LRFN5: variants seen among roughly 807,000 people sequenced by gnomAD.
LRFN5 encodes leucine rich repeat and fibronectin type III domain containing 5.
Under a neutral mutation model 45.6 loss-of-function variants are expected in LRFN5, and 24 were observed. That is an observed-to-expected ratio of 0.53 (90% CI 0.38 to 0.74). The LOEUF is 0.74. LRFN5 is among the 30% of genes least tolerant of loss of function. The probability of loss-of-function intolerance (pLI) is 0.00; values close to 1 mark genes in which losing one functional copy is unlikely to be tolerated. For synonymous variants in LRFN5, 340 were observed against 313.8 expected (o/e 1.08, Z -0.88); for missense variants, 776 against 861.5 (o/e 0.90, Z 1.24).
chr14:41,710,415 A>G (rs866918923), intron 1 of LRFN5, among the ~76,000 whole-genome samples: 1 of 152,058 alleles, frequency 6.6e-6, no homozygotes, highest in South Asian at 2.1e-4. Context: ...TGAAATACCT[A>G]ACGTGGTTAT....
chr14:41,875,070 G>GAAAGTCAAACAAT (rs370594008), intron 2 of LRFN5, among the ~76,000 whole-genome samples: 82 of 152,318 alleles, frequency 5.4e-4, no homozygotes, highest in African/African-American at 1.9e-3. Flanking sequence ...TGGGTGGGGA[G>GAAAGTCAAACAAT]AAAGTCAAAC....
intron 2 of LRFN5, among the ~76,000 whole-genome samples, chr14:41,834,957 C>A (rs889104216): frequency 7.9e-5 from 12 of 151,564 alleles, no homozygotes; most frequent in Admixed American, 3.3e-4. Context: ...GCCACCACAC[C>A]CAGCCTGGGA....
chr14:41,611,866 T>C (rs921165439), intron 1 of LRFN5, among the ~76,000 whole-genome samples: 1 of 152,212 alleles, frequency 6.6e-6, no homozygotes, highest in African/African-American at 2.4e-5. Flanking sequence ...TGGCAAGACC[T>C]GTAGTTACCT....
chr14:41,713,384 G>T (rs1297306994), intron 1 of LRFN5, among the ~76,000 whole-genome samples: 4 of 152,004 alleles, frequency 2.6e-5, no homozygotes. Context: ...GTACAATTAA[G>T]ATTTTTAAAC....
rs1887566442 is a variant in LRFN5, at chr14:41,608,020, A to C, written c.-739A>C. On this transcript the variant is annotated 5_prime_UTR_variant, in exon 1 of 6. Coordinates refer to ENST00000298119, the MANE Select transcript of LRFN5 (RefSeq NM_152447.5). ...TTTCTCGGCTCCCTCCTCCCCACCA[A>C]AATGTCACCAGCTCTTGAATTACGT... 2 of 152,146 alleles carry C rather than the reference A, an allele frequency of 1.3e-5. No homozygotes were observed. Among genetic ancestry groups the C allele is most frequent in the African/African-American group, 4.8e-5 (2 of 41,410 alleles). 9.4% of individuals were successfully genotyped at this position (152,146 alleles called of 1,614,324 possible). A position where few individuals can be genotyped will look rare whatever the true frequency, so the allele number is the denominator to read the frequency against.
chr14:41,725,701 C>T (rs1883901832), intron 1 of LRFN5, among the ~76,000 whole-genome samples: 1 of 152,126 alleles, frequency 6.6e-6, no homozygotes, highest in Admixed American at 6.6e-5. Context: ...TGCTTCTGAT[C>T]AAATAATATT....
At chr14:41,734,706 A>G (rs767810327) in intron 1 of LRFN5, among the ~76,000 whole-genome samples, 4 of 151,854 alleles carry the variant, frequency 2.6e-5, no homozygotes, top group Admixed American at 6.6e-5. Context: ...TTTGTTCATT[A>G]CATTCTGGTT....
chr14:41,798,405 T>C (rs1887209254), intron 2 of LRFN5, among the ~76,000 whole-genome samples: 1 of 152,002 alleles, frequency 6.6e-6, no homozygotes, highest in African/African-American at 2.4e-5. Context: ...TAAGAACTTA[T>C]GTTTGACTTA....
intron 1 of LRFN5, chr14:41,699,335 T>C (rs908855294): frequency 2.0e-5 from 3 of 152,112 alleles, no homozygotes; most frequent in Middle Eastern, 3.2e-3. Flanking sequence ...AGTGCAAAGG[T>C]CTTGCTGCTC....
At chr14:41,709,950 C>T (rs1883217272) in intron 1 of LRFN5, among the ~76,000 whole-genome samples, 1 of 151,816 alleles carries the variant, frequency 6.6e-6, no homozygotes, top group South Asian at 2.1e-4. Context: ...AAATAAAAAG[C>T]ATCAAACAAT....
chr14:41,757,471 C>A (rs925413015), intron 1 of LRFN5, among the ~76,000 whole-genome samples: 3 of 152,344 alleles, frequency 2.0e-5, no homozygotes, highest in Admixed American at 6.5e-5. Context: ...CGCCCCTCCC[C>A]CAGCCTCGCT....
chr14:41,749,575 C>T (rs1432605820), intron 1 of LRFN5, among the ~76,000 whole-genome samples: 3 of 152,042 alleles, frequency 2.0e-5, no homozygotes, highest in Non-Finnish European at 4.4e-5. Context: ...AACAGAAAAC[C>T]AAATACTGCA....
chr14:41,776,488 T>C (rs1016594785), intron 2 of LRFN5, among the ~76,000 whole-genome samples: 1 of 152,178 alleles, frequency 6.6e-6, no homozygotes, highest in East Asian at 1.9e-4. Context: ...ATGACACAGT[T>C]ATCATTTCAC....
At chr14:41,808,119 C>T (rs1302144237) in intron 2 of LRFN5, among the ~76,000 whole-genome samples, 1 of 147,868 alleles carries the variant, frequency 6.8e-6, no homozygotes, top group Non-Finnish European at 1.5e-5. Flanking sequence ...ATGCCTGTGT[C>T]TTGAGCCTGT....
rs181326771 is a variant in LRFN5, at chr14:41,888,265, A to G, written c.1385+255A>G. On this transcript the variant is annotated intron_variant, in intron 3 of 5. Coordinates refer to ENST00000298119, the MANE Select transcript of LRFN5 (RefSeq NM_152447.5). ...TCCCCCTCATCTAAGAGATGTGACTATCAGAGAACAACACTGATTTATTAT... is the reference window on the plus strand; with the variant it reads ...TCCCCCTCATCTAAGAGATGTGACTGTCAGAGAACAACACTGATTTATTAT... 1.2e-4 allele frequency among the ~76,000 whole-genome samples: 18 copies of G among 152,234 alleles called. No individual in the cohort carries two copies. In the East Asian group the frequency reaches 2.7e-3, roughly 23 times the overall value.
intron 2 of LRFN5, among the ~76,000 whole-genome samples, chr14:41,782,443 T>A (rs1364270394): frequency 6.6e-6 from 1 of 152,164 alleles, no homozygotes; most frequent in African/African-American, 2.4e-5. Flanking sequence ...GCATGATGTC[T>A]TTTTTAGAGC....
At chr14:41,830,138 C>T (rs1888431364) in intron 2 of LRFN5, among the ~76,000 whole-genome samples, 1 of 151,432 alleles carries the variant, frequency 6.6e-6, no homozygotes, top group African/African-American at 2.4e-5. Flanking sequence ...TAAATTTTAA[C>T]TTGTATTATA....
chr14:41,649,695 G>A (rs1275986318), intron 1 of LRFN5, among the ~76,000 whole-genome samples: 1 of 152,046 alleles, frequency 6.6e-6, no homozygotes, highest in Admixed American at 6.6e-5. Context: ...TGATCACCCT[G>A]GTCTGTCTTC....
chr14:41,740,248 AAAC>A (rs1210038063), intron 1 of LRFN5, among the ~76,000 whole-genome samples: 1 of 152,022 alleles, frequency 6.6e-6, no homozygotes, highest in Non-Finnish European at 1.5e-5. Context: ...CAAGAAAAGA[AAAC>A]AACAGGCCAA....
Sources: gnomAD v4.1 joint callset for allele counts (sites outside exome capture counted in the v4.1 genomes callset) on GRCh38, gnomAD v4.1.1 for gene constraint, MANE v1.5 for transcripts, NCBI Gene and HGNC (gene_info 2026-07-23, HGNC 2026-07-21) for gene names.